Variants in NCAPD3 observed in about 807,000 individuals in gnomAD.
NCAPD3 encodes the protein condensin-2 complex subunit D3.
Under a neutral mutation model 182.9 loss-of-function variants are expected in NCAPD3, and 105 were observed. The ratio of observed to expected loss-of-function variants is 0.57; its 90% confidence interval spans 0.49 to 0.68. The LOEUF is 0.68. Ranked by LOEUF, NCAPD3 falls within the 30% of genes least tolerant of loss-of-function variation. NCAPD3 has a pLI of 0.00. For missense variants in NCAPD3, 1,944 were observed against 1,837.0 expected (o/e 1.06, Z -1.07); for synonymous variants, 815 against 679.9 (o/e 1.20, Z -3.09).
chr11:134,173,466 C>A, intron 24 of NCAPD3: 1 of 153,950 alleles, frequency 6.5e-6, no homozygotes, highest in Non-Finnish European at 1.5e-5. Flanking sequence ...CGGACAGAAA[C>A]TCCTCATCAT....
intron 1 of NCAPD3, among the ~76,000 whole-genome samples, chr11:134,222,129 A>G (rs1938254656): frequency 6.6e-6 from 1 of 152,206 alleles, no homozygotes; most frequent in Admixed American, 6.5e-5. Flanking sequence ...TTGATTGTTG[A>G]GTGAGAGTAT....
At chr11:134,209,248 G>T (rs1160751777) in intron 5 of NCAPD3, 42 bp from the exon 6 acceptor site, 3 of 1,606,736 alleles carry the variant, frequency 1.9e-6, no homozygotes, top group African/African-American at 1.3e-5. Context: ...TTTTTCTACT[G>T]ATCAGGTATT....
At chr11:134,160,735 C>T (rs1207822515) in intron 28 of NCAPD3, among the ~76,000 whole-genome samples, 3 of 151,816 alleles carry the variant, frequency 2.0e-5, no homozygotes, top group African/African-American at 7.3e-5. Context: ...CACTGCAGTT[C>T]CAACTGGGAG....
chr11:134,158,581 G>T, intron 29 of NCAPD3, 86 bp from the exon 30 acceptor site: 1 of 1,397,144 alleles, frequency 7.2e-7, no homozygotes, highest in Non-Finnish European at 9.8e-7. Flanking sequence ...ATGGTTGGGG[G>T]TCCATATGAG....
intron 19 of NCAPD3, among the ~76,000 whole-genome samples, 160 bp from the exon 20 acceptor site, chr11:134,181,344 A>G (rs186225080): frequency 6.6e-6 from 1 of 152,352 alleles, no homozygotes; most frequent in African/African-American, 2.4e-5. Flanking sequence ...AACCACAATG[A>G]CATGCATTTA....
intron 24 of NCAPD3, among the ~76,000 whole-genome samples, chr11:134,169,699 C>T (rs564582092): frequency 2.6e-5 from 4 of 152,230 alleles, no homozygotes; most frequent in African/African-American, 7.2e-5. Flanking sequence ...CCACCAGGAC[C>T]CTACCAAAAT....
At chr11:134,202,394 T>G (rs1944767923) in intron 13 of NCAPD3, among the ~76,000 whole-genome samples, 1 of 152,210 alleles carries the variant, frequency 6.6e-6, no homozygotes, top group South Asian at 2.1e-4. Flanking sequence ...ATTTTCATTT[T>G]TTAATTTTTT....
At chr11:134,157,685 G>A (rs564914356) in intron 31 of NCAPD3, among the ~76,000 whole-genome samples, 109 of 152,304 alleles carry the variant, frequency 7.2e-4, no homozygotes, top group Non-Finnish European at 1.2e-3. Flanking sequence ...TGTGTAAGAG[G>A]AACAGAATAG....
chr11:134,209,020 G>T, intron 6 of NCAPD3, 69 bp from the exon 7 acceptor site: 4 of 1,456,444 alleles, frequency 2.7e-6, no homozygotes, highest in South Asian at 1.2e-5. Context: ...AGTCCTACAA[G>T]CCATGTTTAA....
At chr11:134,200,587 G>A (rs1022703092) in intron 13 of NCAPD3, among the ~76,000 whole-genome samples, 2 of 152,284 alleles carry the variant, frequency 1.3e-5, no homozygotes, top group Middle Eastern at 3.4e-3. Context: ...GCAAGTGTTG[G>A]TAGGAATGCA....
chr11:134,201,919 C>T (rs942307892), intron 13 of NCAPD3, among the ~76,000 whole-genome samples: 9 of 152,186 alleles, frequency 5.9e-5, no homozygotes, highest in African/African-American at 2.2e-4. Context: ...ACCTTCTAGG[C>T]TGAATAATAA....
Position 134,168,614 on chromosome 11 carries a change from C to G in NCAPD3, c.3240-12G>C. On this transcript the variant is annotated splice_polypyrimidine_tract_variant and intron_variant, in intron 25 of 34. Transcript: ENST00000534548. Reference sequence around the variant, plus strand: ...ACAGCCGCTTCTCTCTGTGGCAGAACGGGACAAGTTCACTGCATCACATGG... The same window carrying G: ...ACAGCCGCTTCTCTCTGTGGCAGAAGGGGACAAGTTCACTGCATCACATGG... 6.2e-7 allele frequency: 1 copy of G among 1,613,868 alleles called. No individual in the cohort carries two copies. The highest frequency in any genetic ancestry group is 2.2e-5 in the East Asian group (1 of 44,888).
chr11:134,167,174 G>T (rs1436939268), intron 27 of NCAPD3, among the ~76,000 whole-genome samples: 2 of 131,260 alleles, frequency 1.5e-5, no homozygotes, highest in African/African-American at 3.0e-5. Context: ...GAGCTTGGGG[G>T]AGGCGCACAC....
At chr11:134,153,963 AC>A in intron 32 of NCAPD3, 1 of 149,732 alleles carries the variant, frequency 6.7e-6, no homozygotes, top group East Asian at 2.0e-4. Context: ...CCCGCAATGA[AC>A]CCCCTCCAGT....
chr11:134,201,302 G>A (rs978117461), intron 13 of NCAPD3, among the ~76,000 whole-genome samples: 1 of 152,204 alleles, frequency 6.6e-6, no homozygotes, highest in East Asian at 1.9e-4. Context: ...CAGGATTACC[G>A]GTGTGAGCCA....
chr11:134,167,810 T>C (rs922781498), intron 27 of NCAPD3, among the ~76,000 whole-genome samples, 186 bp downstream of exon 27: 1 of 134,934 alleles, frequency 7.4e-6, no homozygotes, highest in African/African-American at 2.9e-5. Context: ...TGAGATGAGC[T>C]TAGGGGAGCA....
At chr11:134,184,773 C>G in intron 18 of NCAPD3, 21 bp from the exon 19 acceptor site, 1 of 1,577,948 alleles carries the variant, frequency 6.3e-7, no homozygotes, top group Admixed American at 1.7e-5. Flanking sequence ...AGTCAAAACC[C>G]CTGAAGTTCA....
At chr11:134,183,081 C>T (rs1477698637) in intron 19 of NCAPD3, 1 of 456,046 alleles carries the variant, frequency 2.2e-6, no homozygotes, top group African/African-American at 2.0e-5. Flanking sequence ...TGGCCCTGGG[C>T]CAGCAGCAAG....
chr11:134,165,007 C>A (rs1209810229), intron 27 of NCAPD3, among the ~76,000 whole-genome samples: 2 of 149,732 alleles, frequency 1.3e-5, no homozygotes, highest in South Asian at 2.1e-4. Flanking sequence ...CTTAGGGAAG[C>A]TGCACACCCA....
Sources: gnomAD v4.1 joint callset for allele counts (sites outside exome capture counted in the v4.1 genomes callset) on GRCh38, gnomAD v4.1.1 for gene constraint, MANE v1.5 for transcripts, NCBI Gene and HGNC (gene_info 2026-07-23, HGNC 2026-07-21) for gene names.